Variants in GABRB1 observed in about 807,000 individuals in gnomAD.
The protein encoded by GABRB1 is gamma-aminobutyric acid type A receptor subunit beta1, also known as gamma-aminobutyric acid receptor subunit beta-1.
GABRB1 carries 17 observed loss-of-function variants against 51.6 expected under a neutral mutation model. The ratio of observed to expected loss-of-function variants is 0.33; its 90% CI spans 0.23 to 0.49. GABRB1 has a LOEUF of 0.49. GABRB1 is among the 20% of genes least tolerant of loss of function. The probability of loss-of-function intolerance (pLI) is 0.99; values close to 1 mark genes in which losing one functional copy is unlikely to be tolerated. For missense variants in GABRB1, 410 were observed against 600.6 expected (o/e 0.68, Z 3.32); for synonymous variants, 247 against 218.9 (o/e 1.13, Z -1.14).
At chr4:46,996,072 T>C in intron 1 of GABRB1, among the ~76,000 whole-genome samples, 1 of 45,372 alleles carries the variant, frequency 2.2e-5, no homozygotes, top group Non-Finnish European at 5.3e-5. Flanking sequence ...AACTTGAGGT[T>C]TTTTTTTTTT....
intron 4 of GABRB1, among the ~76,000 whole-genome samples, chr4:47,203,386 A>G (rs966613112): frequency 3.9e-5 from 2 of 51,558 alleles, no homozygotes; most frequent in Non-Finnish European, 8.5e-5. Flanking sequence ...CTACCTAAAT[A>G]TGACTTATCA....
At chr4:47,378,401 A>C (rs1166150085) in intron 5 of GABRB1, among the ~76,000 whole-genome samples, 1 of 152,004 alleles carries the variant, frequency 6.6e-6, no homozygotes, top group African/African-American at 2.4e-5. Context: ...GCCCGCAAGC[A>C]CCGCGCGCAG....
chr4:47,338,409 G>T (rs1018359556), intron 5 of GABRB1, among the ~76,000 whole-genome samples: 1 of 152,132 alleles, frequency 6.6e-6, no homozygotes, highest in Non-Finnish European at 1.5e-5. Context: ...GATGCACCAC[G>T]CCATTCTCAA....
chr4:47,092,504 T>C (rs888895117), intron 3 of GABRB1, among the ~76,000 whole-genome samples: 1 of 151,876 alleles, frequency 6.6e-6, no homozygotes, highest in Non-Finnish European at 1.5e-5. Context: ...GCTTGGCACC[T>C]CTTAGGAATT....
intron 4 of GABRB1, among the ~76,000 whole-genome samples, chr4:47,250,699 C>T (rs756127836): frequency 1.3e-5 from 2 of 152,080 alleles, no homozygotes; most frequent in African/African-American, 2.4e-5. Flanking sequence ...TTTAAAACCT[C>T]GTCTTAGAGC....
intron 4 of GABRB1, among the ~76,000 whole-genome samples, chr4:47,264,091 G>A (rs1488964916): frequency 6.6e-6 from 1 of 152,166 alleles, no homozygotes; most frequent in South Asian, 2.1e-4. Context: ...GTAGTGAGCC[G>A]AGTTCACCCC....
At chr4:47,242,115 C>G (rs1020275714) in intron 4 of GABRB1, among the ~76,000 whole-genome samples, 2 of 152,038 alleles carry the variant, frequency 1.3e-5, no homozygotes, top group East Asian at 3.9e-4. Context: ...CCGTTCCCAC[C>G]TATGAGTGAG....
intron 4 of GABRB1, among the ~76,000 whole-genome samples, chr4:47,273,897 A>ACACACACT (rs1284997560): frequency 2.0e-5 from 3 of 151,674 alleles, no homozygotes; most frequent in Non-Finnish European, 4.4e-5. Flanking sequence ...ACACACACAC[A>ACACACACT]CACATTGAAG....
chr4:47,311,110 G>A lies in GABRB1; in HGVS notation c.462-9017G>A, dbSNP rs568323289. ...ATGAAAAGAAAAAAAGATGAAGTCC[G>A]CTGGAGGACGCGGTGGCTCACGCCT... On this transcript the variant is annotated intron_variant, in intron 4 of 8. Coordinates refer to ENST00000295454, the MANE Select transcript of GABRB1 (RefSeq NM_000812.4). Among the ~76,000 whole-genome samples, 16 of 146,954 alleles carry A rather than the reference G, an allele frequency of 1.1e-4. 1 individual carries two copies. The East Asian group carries it at 1.4e-3, about 13-fold the overall frequency.
chr4:47,320,763 C>CTTTTTTTTT lies in GABRB1; in HGVS notation c.544+560_544+561insTTTTTTTTT, dbSNP rs1264288318. Among the ~76,000 whole-genome samples, 2 of 113,312 alleles carry CTTTTTTTTT rather than the reference C, an allele frequency of 1.8e-5. 1 individual carries two copies. The highest frequency in any genetic ancestry group is 6.2e-5 in the African/African-American group (2 of 32,120). The allele number at this position is 113,312 out of a possible 152,430, so 74.3% of individuals were successfully genotyped here. On this transcript the variant is annotated intron_variant, in intron 5 of 8. Transcript: ENST00000295454. ...GCTTTTTCACTGATTGTTTTCTTTTCTTTTTTCTTTTTTTTTTTTTTTTTG... is the reference window on the plus strand; with the variant it reads ...GCTTTTTCACTGATTGTTTTCTTTTCTTTTTTTTTTTTTTTCTTTTTTTTTTTTTTTTTG...
intron 3 of GABRB1, among the ~76,000 whole-genome samples, chr4:47,044,903 G>A (rs1219368194): frequency 6.6e-6 from 1 of 151,962 alleles, no homozygotes; most frequent in Admixed American, 6.6e-5. Context: ...CTTACTCTGA[G>A]AAGGAGCAGA....
Position 47,206,321 on chromosome 4 carries a change from A to G in GABRB1, c.461+44852A>G, listed in dbSNP as rs1008666798. Among the ~76,000 whole-genome samples the G allele has an allele frequency of 2.6e-5, 4 of 152,170 alleles. No individual in the cohort carries two copies. The East Asian group carries it at 5.8e-4, about 22-fold the overall frequency. ...AGTCTATAAATAATCCTAGGAAGGA[A>G]TGCCAAGGGTAGAAATGGATTTCTC... On this transcript the variant is annotated intron_variant, in intron 4 of 8. Transcript: ENST00000295454.
chr4:47,219,890 A>G (rs1720703847), intron 4 of GABRB1, among the ~76,000 whole-genome samples: 1 of 151,842 alleles, frequency 6.6e-6, no homozygotes, highest in Non-Finnish European at 1.5e-5. Flanking sequence ...AGATTACCAC[A>G]TCTACCCAAG....
At chr4:47,289,718 T>C (rs1723652602) in intron 4 of GABRB1, among the ~76,000 whole-genome samples, 1 of 152,208 alleles carries the variant, frequency 6.6e-6, no homozygotes, top group Non-Finnish European at 1.5e-5. Context: ...TGGCCTTACC[T>C]CCCTGTATGT....
Position 47,103,705 on chromosome 4 carries a change from T to C in GABRB1, c.241-57544T>C, listed in dbSNP as rs796186955. On this transcript the variant is annotated intron_variant, in intron 3 of 8. Transcript: ENST00000295454. ...GAAGTTAGAACAATAATAAACATAT[T>C]TTAAAATATAATTTTGGGGTCTATA... 2.8e-4 allele frequency among the ~76,000 whole-genome samples: 42 copies of C among 152,082 alleles called. 1 individual carries two copies. Among genetic ancestry groups the C allele is most frequent in the African/African-American group, 9.6e-4 (40 of 41,528 alleles).
intron 5 of GABRB1, among the ~76,000 whole-genome samples, chr4:47,399,047 C>T (rs1728290649): frequency 6.6e-6 from 1 of 152,230 alleles, no homozygotes; most frequent in Admixed American, 6.5e-5. Context: ...ACCTTGGCCT[C>T]TCGAAGTGCT....
At chr4:47,303,146 T>C (rs28706363) in intron 4 of GABRB1, among the ~76,000 whole-genome samples, 1 of 151,870 alleles carries the variant, frequency 6.6e-6, no homozygotes, top group Admixed American at 6.6e-5. Flanking sequence ...AACTTTATTT[T>C]AAAAAGTTTG....
chr4:47,220,568 A>G (rs1356374244), intron 4 of GABRB1, among the ~76,000 whole-genome samples: 2 of 152,002 alleles, frequency 1.3e-5, no homozygotes, highest in Non-Finnish European at 2.9e-5. Flanking sequence ...CCGGTAATGA[A>G]AATGAGCATA....
At chr4:47,064,593 G>A (rs1319253781) in intron 3 of GABRB1, among the ~76,000 whole-genome samples, 3 of 139,482 alleles carry the variant, frequency 2.2e-5, no homozygotes, top group Admixed American at 7.9e-5. Flanking sequence ...AGTCAAGATC[G>A]CGCCATTGCA....
Sources: allele counts gnomAD v4.1 joint callset (sites outside exome capture counted in the v4.1 genomes callset), GRCh38; gene constraint gnomAD v4.1.1; transcripts MANE v1.5; gene names NCBI Gene and HGNC (gene_info 2026-07-23, HGNC 2026-07-21).